The following CAMK2G variants were observed in gnomAD, a reference collection of about 807,000 sequenced individuals.
CAMK2G encodes the protein calcium/calmodulin dependent protein kinase II gamma.
In CAMK2G, 23 loss-of-function variants were observed where a neutral mutation model predicts 88.7. The observed-to-expected ratio is 0.26, with a 90% CI of 0.19 to 0.37. The LOEUF (loss-of-function observed/expected upper bound fraction) is 0.37. Ranked by LOEUF, CAMK2G falls within the 10% of genes least tolerant of loss-of-function variation. CAMK2G has a pLI of 1.00. For synonymous variants in CAMK2G, 263 were observed against 294.8 expected (o/e 0.89, Z 1.11); for missense variants, 476 against 780.8 (o/e 0.61, Z 4.65).
At chr10:73,868,215 G>C (rs2095662803) in intron 2 of CAMK2G, among the ~76,000 whole-genome samples, 1 of 152,160 alleles carries the variant, frequency 6.6e-6, no homozygotes, top group Non-Finnish European at 1.5e-5. Flanking sequence ...CTCACCTCTA[G>C]GGTTTCAGCA....
At chr10:73,850,981 C>G (rs543347743) in intron 5 of CAMK2G, among the ~76,000 whole-genome samples, 44 of 152,228 alleles carry the variant, frequency 2.9e-4, no homozygotes, top group Non-Finnish European at 5.0e-4. Flanking sequence ...GTCACCCCCC[C>G]TCAGGGCCCC....
intron 2 of CAMK2G, among the ~76,000 whole-genome samples, chr10:73,866,617 A>G (rs1332578223): frequency 6.6e-6 from 1 of 152,162 alleles, no homozygotes; most frequent in Non-Finnish European, 1.5e-5. Flanking sequence ...TAACTTTGTA[A>G]AGGGTATTTT....
chr10:73,831,020 T>C (rs1003204293), intron 14 of CAMK2G, among the ~76,000 whole-genome samples: 17 of 152,154 alleles, frequency 1.1e-4, no homozygotes, highest in African/African-American at 4.1e-4. Flanking sequence ...CCTCATAACA[T>C]TGATCAAAAC....
rs773931417 is a variant in CAMK2G at position 73,860,823 on chromosome 10, C to T, written c.220+7G>A. 2 of 1,607,280 alleles carry T rather than the reference C, an allele frequency of 1.2e-6. No individual in the cohort carries two copies. Among genetic ancestry groups the T allele is most frequent in the Non-Finnish European group, 1.7e-6 (2 of 1,173,834 alleles). Reference sequence around the variant, plus strand: ...ACCCACAAAATGCTCCATGCCCAGGCACTCACCGATGTTTGGATGTTTCAG... The same window carrying T: ...ACCCACAAAATGCTCCATGCCCAGGTACTCACCGATGTTTGGATGTTTCAG... On this transcript the variant is annotated splice_region_variant and intron_variant, in intron 3 of 22. Transcript: ENST00000423381.
rs765989347 is a variant in CAMK2G, at chr10:73,837,483, C to A, written c.1038G>T (p.Ser346=). The change falls in exon 14 of 23, where the codon TCG becomes TCT. Residue 346 remains serine, a synonymous_variant. Coordinates refer to ENST00000423381, the MANE Select transcript of CAMK2G (RefSeq NM_001367534.1). The part of the protein sequence containing the change: ...QAAKSLLNKK[S]DGGVKKRKSS... ...AGACACTTACCTTGACACCGCCATC[C>A]GACTTCTTGTTCAATAGGCTTTTGG... 3 of 1,613,654 alleles carry A rather than the reference C, an allele frequency of 1.9e-6. No homozygotes were observed. The highest frequency in any genetic ancestry group is 2.5e-6 in the Non-Finnish European group (3 of 1,179,604).
In CAMK2G at chr10:73,824,095, A is replaced by G; in HGVS notation, c.1156-11T>C. 6.2e-7 allele frequency: 1 copy of G among 1,610,522 alleles called. No individual in the cohort carries two copies. The highest frequency in any genetic ancestry group is 8.5e-7 in the Non-Finnish European group (1 of 1,176,826). On this transcript the variant is annotated splice_polypyrimidine_tract_variant and intron_variant, in intron 16 of 22. Coordinates refer to ENST00000423381, the MANE Select transcript of CAMK2G (RefSeq NM_001367534.1). Reference sequence around the variant, plus strand: ...AGTGGTTTGTGGCTCCTGTGAGAGAAGATGAAGATTACCCTTCCGACTTGG... The same window carrying G: ...AGTGGTTTGTGGCTCCTGTGAGAGAGGATGAAGATTACCCTTCCGACTTGG...
chr10:73,817,263 G>A, intron 20 of CAMK2G, 146 bp from the exon 21 acceptor site: 3 of 1,188,392 alleles, frequency 2.5e-6, no homozygotes, highest in South Asian at 1.6e-5. Flanking sequence ...CCTGCCTGCT[G>A]AGCCACTCAG....
intron 14 of CAMK2G, among the ~76,000 whole-genome samples, chr10:73,830,744 C>CT (rs1429077112): frequency 6.6e-6 from 1 of 152,226 alleles, no homozygotes; most frequent in Non-Finnish European, 1.5e-5. Flanking sequence ...TCCATAGACC[C>CT]TGGGTCACTG....
intron 2 of CAMK2G, among the ~76,000 whole-genome samples, chr10:73,864,641 T>C (rs1166283265): frequency 6.6e-6 from 1 of 151,792 alleles, no homozygotes; most frequent in African/African-American, 2.4e-5. Context: ...TTCTTTTGTT[T>C]GTTTTTTTTG....
At chr10:73,847,783 T>G (rs895814872) in intron 9 of CAMK2G, among the ~76,000 whole-genome samples, 1 of 152,224 alleles carries the variant, frequency 6.6e-6, no homozygotes, top group African/African-American at 2.4e-5. Context: ...ATTTTAGTTA[T>G]GAAGAAGGCT....
chr10:73,863,022 C>G (rs2095446312), intron 2 of CAMK2G, among the ~76,000 whole-genome samples: 1 of 152,258 alleles, frequency 6.6e-6, no homozygotes, highest in Non-Finnish European at 1.5e-5. Flanking sequence ...GGGATTCAAA[C>G]TCAGGACTGT....
chr10:73,853,329 C>G, intron 3 of CAMK2G, 83 bp from the exon 4 acceptor site: 2 of 1,262,984 alleles, frequency 1.6e-6, no homozygotes, highest in Non-Finnish European at 2.3e-6. Context: ...CCCACCCCTG[C>G]CCCATCCTGT....
intron 5 of CAMK2G, among the ~76,000 whole-genome samples, chr10:73,850,205 C>T (rs1314953452): frequency 6.6e-6 from 1 of 152,160 alleles, no homozygotes; most frequent in Non-Finnish European, 1.5e-5. Flanking sequence ...CCATGTTGCC[C>T]AGGCTGGTCT....
intron 3 of CAMK2G, among the ~76,000 whole-genome samples, chr10:73,855,223 C>T (rs995624368): frequency 6.6e-6 from 1 of 152,192 alleles, no homozygotes; most frequent in East Asian, 1.9e-4. Flanking sequence ...TGGTCTAAGT[C>T]GGTGCCTCAC....
At chr10:73,822,864 T>C (rs2089475120) in intron 17 of CAMK2G, among the ~76,000 whole-genome samples, 1 of 152,174 alleles carries the variant, frequency 6.6e-6, no homozygotes, top group African/African-American at 2.4e-5. Flanking sequence ...GTGAGGTTTT[T>C]CTGTTTTTCA....
intron 19 of CAMK2G, among the ~76,000 whole-genome samples, chr10:73,819,274 G>A (rs2086877248): frequency 6.6e-6 from 1 of 152,086 alleles, no homozygotes; most frequent in South Asian, 2.1e-4. Flanking sequence ...TGCACATCCT[G>A]GGGGCTTTCT....
chr10:73,822,001 C>T (rs2089025239), intron 17 of CAMK2G, among the ~76,000 whole-genome samples: 1 of 152,152 alleles, frequency 6.6e-6, no homozygotes, highest in African/African-American at 2.4e-5. Context: ...ATTCAGATCG[C>T]CCAATCTAAA....
chr10:73,856,548 C>A (rs190811503), intron 3 of CAMK2G, among the ~76,000 whole-genome samples: 1 of 152,316 alleles, frequency 6.6e-6, no homozygotes. Context: ...GGCTTTAAAC[C>A]AGCAATTACA....
chr10:73,844,563 A>T (rs1196453382), intron 10 of CAMK2G, among the ~76,000 whole-genome samples: 5 of 152,044 alleles, frequency 3.3e-5, no homozygotes, highest in African/African-American at 1.2e-4. Flanking sequence ...GTGTACCAAC[A>T]TACCCAGCTA....
Sources: gnomAD v4.1 joint callset for allele counts (sites outside exome capture counted in the v4.1 genomes callset) on GRCh38, gnomAD v4.1.1 for gene constraint, MANE v1.5 for transcripts, NCBI Gene and HGNC (gene_info 2026-07-23, HGNC 2026-07-21) for gene names.